Variants in SEC63 observed in about 807,000 individuals in gnomAD.
SEC63 encodes the protein translocation protein SEC63 homolog.
SEC63 carries 56 observed loss-of-function variants against 116.2 expected under a neutral mutation model. The ratio of observed to expected loss-of-function variants is 0.48; its 90% CI spans 0.39 to 0.60. The LOEUF (loss-of-function observed/expected upper bound fraction) is 0.60. Ranked by LOEUF, SEC63 falls within the 20% of genes least tolerant of loss-of-function variation. SEC63 has a pLI of 0.00. For missense variants in SEC63, 668 were observed against 900.0 expected (o/e 0.74, Z 3.30); for synonymous variants, 273 against 294.6 (o/e 0.93, Z 0.75).
chr6:107,871,960 T>C (rs1425205022), intron 20 of SEC63, 113 bp from the exon 21 acceptor site: 3 of 1,018,368 alleles, frequency 2.9e-6, no homozygotes, highest in East Asian at 2.5e-5. Flanking sequence ...AATAGTTTTT[T>C]ATGGACACAA....
At chr6:107,920,002 T>C (rs574731965) in intron 4 of SEC63, among the ~76,000 whole-genome samples, 1 of 152,190 alleles carries the variant, frequency 6.6e-6, no homozygotes, top group South Asian at 2.1e-4. Flanking sequence ...TCCTGATCAG[T>C]CAACAGCCAT....
In SEC63 at chr6:107,870,694, T is replaced by C. The variant is rs1363773047; in HGVS notation, c.*1010A>G. 5.9e-5 allele frequency: 9 copies of C among 152,322 alleles called. No homozygotes were observed. In the South Asian group the frequency reaches 1.7e-3, roughly 28 times the overall value. The allele number at this position is 152,322 out of a possible 1,614,324, so 9.4% of individuals were successfully genotyped here. Reference sequence around the variant, plus strand: ...ATGTACAATACTATTCAATCTTTAGTTGAAAAATAAAGAAGTGGATTGCCC... The same window carrying C: ...ATGTACAATACTATTCAATCTTTAGCTGAAAAATAAAGAAGTGGATTGCCC... On this transcript the variant is annotated 3_prime_UTR_variant, in exon 21 of 21. Coordinates refer to ENST00000369002, the MANE Select transcript of SEC63 (RefSeq NM_007214.5).
At chr6:107,950,392 A>C (rs1219677445) in intron 1 of SEC63, among the ~76,000 whole-genome samples, 3 of 152,214 alleles carry the variant, frequency 2.0e-5, no homozygotes, top group African/African-American at 7.2e-5. Context: ...GAAGATAAGG[A>C]AATAGAGGAC....
At position 107,908,861 on chromosome 6, in the gene SEC63, T is replaced by A. The variant is rs113064976; in HGVS notation, c.733+66A>T. The A allele has an allele frequency of 6.0e-6, 5 of 833,682 alleles. No homozygotes were observed. In the African/African-American group the frequency reaches 6.7e-5, roughly 11 times the overall value. The allele number at this position is 833,682 out of a possible 1,614,324, so 51.6% of individuals were successfully genotyped here. A position where few individuals can be genotyped will look rare whatever the true frequency, so the allele number is the denominator to read the frequency against. On this transcript the variant is annotated intron_variant, in intron 8 of 20. Coordinates refer to ENST00000369002, the MANE Select transcript of SEC63 (RefSeq NM_007214.5). ...CTCAACAGTATAGAGTTAAGGAATA[T>A]ATATCAACCCCACATAAGTCACAAA...
chr6:107,952,229 T>A (rs186689562), intron 1 of SEC63, among the ~76,000 whole-genome samples: 1 of 152,134 alleles, frequency 6.6e-6, no homozygotes, highest in South Asian at 2.1e-4. Flanking sequence ...AGTATTCCAT[T>A]AATAATGTTT....
chr6:107,872,704 C>A (rs1476062340), intron 20 of SEC63, 104 bp downstream of exon 20: 1 of 741,200 alleles, frequency 1.3e-6, no homozygotes, highest in African/African-American at 1.8e-5. Flanking sequence ...GAGATGACTT[C>A]TTTTTCCTTC....
rs186812821 is a variant in SEC63, at chr6:107,918,378, C to A, written c.452+3419G>T. Among the ~76,000 whole-genome samples the A allele has an allele frequency of 2.6e-5, 4 of 152,248 alleles. No individual in the cohort carries two copies. In the East Asian group the frequency reaches 7.7e-4, roughly 29 times the overall value. ...TGCTAACACAACATTCATTCTGCAG[C>A]ACACAGATCAAAAAGTAATTTTGAC... On this transcript the variant is annotated intron_variant, in intron 4 of 20. Transcript: ENST00000369002.
intron 19 of SEC63, among the ~76,000 whole-genome samples, chr6:107,875,472 G>A (rs1015461363): frequency 3.9e-5 from 6 of 152,242 alleles, no homozygotes; most frequent in Admixed American, 6.5e-5. Context: ...CAAAGCAGGC[G>A]GATCTCTTGA....
At chr6:107,896,054 T>C (rs1303846662) in intron 14 of SEC63, among the ~76,000 whole-genome samples, 1 of 151,952 alleles carries the variant, frequency 6.6e-6, no homozygotes, top group East Asian at 1.9e-4. Context: ...TGGTCCCAGC[T>C]ACTCAGGAGG....
At position 107,921,921 on chromosome 6, in the gene SEC63, C is replaced by CAA; in HGVS notation, c.340-14_340-13dup. On this transcript the variant is annotated splice_polypyrimidine_tract_variant and intron_variant, in intron 3 of 20. Transcript: ENST00000369002. ...GCTACTGTGGCTCCCTGGGGAAAAA[C>CAA]AAAAAAAAAAAACAAGCTTTCTGTT... 3.3e-5 allele frequency: 3 copies of CAA among 90,438 alleles called. No homozygotes were observed. Among genetic ancestry groups the CAA allele is most frequent in the East Asian group, 3.3e-4 (1 of 3,008 alleles). The allele number at this position is 90,438 out of a possible 1,614,324, so 5.6% of individuals were successfully genotyped here.
At chr6:107,913,501 C>T in intron 4 of SEC63, 74 bp from the exon 5 acceptor site, 1 of 980,626 alleles carries the variant, frequency 1.0e-6, no homozygotes, top group Non-Finnish European at 1.7e-6. Context: ...AGACAAACTC[C>T]ATTAGCCAAC....
intron 16 of SEC63, among the ~76,000 whole-genome samples, chr6:107,889,540 C>G (rs1786622301): frequency 6.6e-6 from 1 of 151,874 alleles, no homozygotes; most frequent in Non-Finnish European, 1.5e-5. Flanking sequence ...AAAACTAGCT[C>G]CTTGGATTCA....
chr6:107,889,390 T>C (rs1786618149), intron 16 of SEC63, among the ~76,000 whole-genome samples: 2 of 152,216 alleles, frequency 1.3e-5, no homozygotes, highest in African/African-American at 4.8e-5. Context: ...GAGGTGTTTA[T>C]AGCATTCTCT....
At chr6:107,945,558 C>A (rs1438567949) in intron 1 of SEC63, among the ~76,000 whole-genome samples, 1 of 152,008 alleles carries the variant, frequency 6.6e-6, no homozygotes, top group African/African-American at 2.4e-5. Flanking sequence ...CCCCCCTCGG[C>A]CTCCCAAAGT....
At chr6:107,941,510 A>C (rs1188802097) in intron 1 of SEC63, among the ~76,000 whole-genome samples, 1 of 152,158 alleles carries the variant, frequency 6.6e-6, no homozygotes, top group Non-Finnish European at 1.5e-5. Context: ...CTCAAAAAAA[A>C]AAAAGGAAGA....
In SEC63 at chr6:107,869,572, C is replaced by T. The variant is rs1159679607; in HGVS notation, c.*2132G>A. The T allele has an allele frequency of 2.0e-5, 3 of 152,018 alleles. No individual in the cohort carries two copies. Among genetic ancestry groups the T allele is most frequent in the African/African-American group, 7.3e-5 (3 of 41,374 alleles). The allele number at this position is 152,018 out of a possible 1,614,324, so 9.4% of individuals were successfully genotyped here. ...TGTTATTCTCATTCCAGAGGAAAAA[C>T]GAAGGGATGTGGAGTTTAGCGACTT... On this transcript the variant is annotated 3_prime_UTR_variant, in exon 21 of 21. Transcript: ENST00000369002.
At chr6:107,948,005 G>A (rs1770510700) in intron 1 of SEC63, among the ~76,000 whole-genome samples, 1 of 152,176 alleles carries the variant, frequency 6.6e-6, no homozygotes, top group Non-Finnish European at 1.5e-5. Context: ...TTGGTCGTAA[G>A]TGCCAATCAC....
At position 107,871,513 on chromosome 6, in the gene SEC63, T is replaced by A. The variant is rs567912399; in HGVS notation, c.*191A>T. On this transcript the variant is annotated 3_prime_UTR_variant, in exon 21 of 21. Transcript: ENST00000369002. ...CCATCCCCTACTTGAAAGGTTTCAA[T>A]AAGCCTTAACATTTTTCAGGTTGTA... The A allele has an allele frequency of 9.4e-6, 6 of 640,366 alleles. No individual in the cohort carries two copies. In the East Asian group the frequency reaches 1.6e-4, roughly 17 times the overall value. 39.7% of individuals were successfully genotyped at this position (640,366 alleles called of 1,614,324 possible).
intron 18 of SEC63, among the ~76,000 whole-genome samples, chr6:107,880,627 C>G (rs553959751): frequency 6.6e-6 from 1 of 152,288 alleles, no homozygotes; most frequent in Non-Finnish European, 1.5e-5. Flanking sequence ...TTTATTAGAG[C>G]CAAGAACACA....
Sources: gnomAD v4.1 joint callset for allele counts (sites outside exome capture counted in the v4.1 genomes callset) on GRCh38, gnomAD v4.1.1 for gene constraint, MANE v1.5 for transcripts, NCBI Gene and HGNC (gene_info 2026-07-23, HGNC 2026-07-21) for gene names.